JAKMIP3: variants seen among roughly 807,000 people sequenced by gnomAD.
The protein encoded by JAKMIP3 is janus kinase and microtubule-interacting protein 3.
JAKMIP3 carries 58 observed loss-of-function variants against 118.5 expected under a neutral mutation model. The observed-to-expected ratio is 0.49, with a 90% CI of 0.40 to 0.61. The LOEUF (loss-of-function observed/expected upper bound fraction) is 0.61, where lower values mean the gene tolerates loss of function less well. Among genes scored for constraint, JAKMIP3 ranks in the 20% least tolerant of loss-of-function variants. The pLI, the probability that JAKMIP3 is intolerant of heterozygous loss-of-function variation, is 0.00. For synonymous variants in JAKMIP3, 486 were observed against 451.2 expected (o/e 1.08, Z -0.98); for missense variants, 950 against 1,109.0 (o/e 0.86, Z 2.04).
chr10:132,139,489 AGT>A (rs2052979045), intron 9 of JAKMIP3, among the ~76,000 whole-genome samples: 1 of 139,694 alleles, frequency 7.2e-6, no homozygotes, highest in Admixed American at 7.1e-5. Flanking sequence ...TGTGTGTGAG[AGT>A]ATGTGAGTGT....
rs746236549 is a variant in JAKMIP3, at chr10:132,142,067, G to GCA, written c.1602+20_1602+21insAC. The GCA allele has an allele frequency of 2.4e-5, 39 of 1,592,698 alleles. 1 individual carries two copies. The South Asian group carries it at 3.5e-4, about 14-fold the overall frequency. On this transcript the variant is annotated intron_variant, in intron 11 of 23. Coordinates refer to ENST00000684848, the MANE Select transcript of JAKMIP3 (RefSeq NM_001323087.2). ...AGTTAAGGTCTACGTGACTTCCACC[G>GCA]CGCGTTCCGGCCCCCCTCGTGCCTT... is the stretch of plus-strand genomic sequence containing the variant.
intron 1 of JAKMIP3, among the ~76,000 whole-genome samples, chr10:132,052,663 C>T (rs147026986): frequency 1.3e-5 from 2 of 152,300 alleles, no homozygotes; most frequent in East Asian, 3.9e-4. Context: ...GTCCAATCTG[C>T]CACCAAAAGC....
Position 132,153,347 on chromosome 10 carries a change from C to T in JAKMIP3, c.2073+324C>T, listed in dbSNP as rs1004282461. On this transcript the variant is annotated intron_variant, in intron 17 of 23. Transcript: ENST00000684848. Reference sequence around the variant, plus strand: ...GACCCCCTTCTGGGGCCACCCAGCCCACTACCTGCTCCTAGTCCCACCCCT... The same window carrying T: ...GACCCCCTTCTGGGGCCACCCAGCCTACTACCTGCTCCTAGTCCCACCCCT... Among the ~76,000 whole-genome samples, 36 of 152,354 alleles carry T rather than the reference C, an allele frequency of 2.4e-4. 1 individual carries two copies. The highest frequency in any genetic ancestry group is 4.4e-4 in the Non-Finnish European group (30 of 68,032).
At chr10:132,093,601 G>A (rs914089060) in intron 1 of JAKMIP3, among the ~76,000 whole-genome samples, 1 of 152,278 alleles carries the variant, frequency 6.6e-6, no homozygotes, top group African/African-American at 2.4e-5. Context: ...ACAATATTAG[G>A]GTAGGAGTGA....
chr10:132,120,712 G>A (rs1484503419), intron 3 of JAKMIP3, among the ~76,000 whole-genome samples: 1 of 152,166 alleles, frequency 6.6e-6, no homozygotes, highest in Non-Finnish European at 1.5e-5. Flanking sequence ...CTTTCTTCCT[G>A]GGGACCCTGT....
rs2047002252 is a variant in JAKMIP3 at position 132,112,360 on chromosome 10, C to A, written c.136-4717C>A. On this transcript the variant is annotated intron_variant, in intron 2 of 23. Coordinates refer to ENST00000684848, the MANE Select transcript of JAKMIP3 (RefSeq NM_001323087.2). This position sits in a 1 kb window ranked among gnomAD's most constrained non-coding sequence, Gnocchi z 4.3. ...AGACGGGGCTGGGACCTGCCCTGGGCACTCGGCTCGTCAGCTGGGAAGCCC... is the reference window on the plus strand; with the variant it reads ...AGACGGGGCTGGGACCTGCCCTGGGAACTCGGCTCGTCAGCTGGGAAGCCC... Among the ~76,000 whole-genome samples the A allele has an allele frequency of 1.3e-5, 2 of 152,112 alleles. No homozygotes were observed. The highest frequency in any genetic ancestry group is 4.8e-5 in the African/African-American group (2 of 41,420).
chr10:132,051,901 C>T (rs539782916), intron 1 of JAKMIP3, among the ~76,000 whole-genome samples: 1 of 152,380 alleles, frequency 6.6e-6, no homozygotes, highest in South Asian at 2.1e-4. Flanking sequence ...AGCCACCACG[C>T]TTGGCCAGCA....
chr10:132,128,474 A>G (rs1215408162), intron 3 of JAKMIP3, among the ~76,000 whole-genome samples: 2 of 152,192 alleles, frequency 1.3e-5, no homozygotes, highest in African/African-American at 4.8e-5. Context: ...AAAATTCTGG[A>G]CCATTATTTA....
rs539812872 is a variant in JAKMIP3, at chr10:132,082,755, C to T, written c.-138+16694C>T. ...CCTCCCGAGTAGCTGGGACTACAGG[C>T]GCCTGCCACCATGCCCGGCTAATTT... On this transcript the variant is annotated intron_variant, in intron 1 of 23. Transcript: ENST00000684848. Among the ~76,000 whole-genome samples, 27 of 152,198 alleles carry T rather than the reference C, an allele frequency of 1.8e-4. No homozygotes were observed. In the South Asian group the frequency reaches 2.7e-3, roughly 15 times the overall value.
chr10:132,145,007 C>T (rs1156356238), intron 11 of JAKMIP3, 100 bp from the exon 12 acceptor site: 2 of 916,212 alleles, frequency 2.2e-6, no homozygotes, highest in African/African-American at 1.7e-5. Flanking sequence ...TCTCAATGAA[C>T]TGAACCAAAA....
At chr10:132,079,744 C>G (rs74346100) in intron 1 of JAKMIP3, among the ~76,000 whole-genome samples, 1 of 152,226 alleles carries the variant, frequency 6.6e-6, no homozygotes, top group Non-Finnish European at 1.5e-5. Flanking sequence ...CAGCTCCTCA[C>G]TTCCCCTCGT....
intron 17 of JAKMIP3, 115 bp downstream of exon 17, chr10:132,153,138 G>A (rs917950679): frequency 6.3e-6 from 5 of 792,560 alleles, no homozygotes; most frequent in South Asian, 3.1e-5. Flanking sequence ...GGTTTGGGGG[G>A]TCCACTAAGC....
intron 1 of JAKMIP3, among the ~76,000 whole-genome samples, chr10:132,054,548 G>A (rs1211663354): frequency 1.3e-5 from 2 of 152,164 alleles, no homozygotes; most frequent in East Asian, 3.9e-4. Context: ...GTCTGGGCCG[G>A]AACCACCCCT....
In JAKMIP3 at chr10:132,162,252, T is replaced by C. The variant is rs530676771; in HGVS notation, c.2221-957T>C. Among the ~76,000 whole-genome samples, 12 of 152,346 alleles carry C rather than the reference T, an allele frequency of 7.9e-5. No individual in the cohort carries two copies. The East Asian group carries it at 1.5e-3, about 20-fold the overall frequency. On this transcript the variant is annotated intron_variant, in intron 19 of 23. Coordinates refer to ENST00000684848, the MANE Select transcript of JAKMIP3 (RefSeq NM_001323087.2). ...CATGGGTGTGGGAGACCGTGGTCTG[T>C]GTGGCTGCCGAAGGCAGGGAGGCTC...
chr10:132,180,648 T>TGTGTGC (rs2060954930), intron 23 of JAKMIP3, among the ~76,000 whole-genome samples: 1 of 25,134 alleles, frequency 4.0e-5, no homozygotes, highest in African/African-American at 1.8e-4. Flanking sequence ...CGTGTGTGCG[T>TGTGTGC]GTGCGTGTGC....
At chr10:132,173,016 C>T (rs55769244) in intron 23 of JAKMIP3, among the ~76,000 whole-genome samples, 310 of 5,594 alleles carry the variant, frequency 0.055, 59 homozygotes, top group East Asian at 0.43. Context: ...TCTCTCTCTC[C>T]CTCTCTCTCT....
Position 132,100,812 on chromosome 10 carries a change from ATTCTCTCTGCATGAGGAACCCCTGCCG to A in JAKMIP3, c.-137-3859_-137-3833del, listed in dbSNP as rs2134740757. Among the ~76,000 whole-genome samples, 3 of 126,944 alleles carry A rather than the reference ATTCTCTCTGCATGAGGAACCCCTGCCG, an allele frequency of 2.4e-5. No individual in the cohort carries two copies. In the South Asian group the frequency reaches 8.2e-4, roughly 35 times the overall value. 83.3% of individuals were successfully genotyped at this position (126,944 alleles called of 152,430 possible). Reference sequence around the variant, plus strand: ...ATGAGGAACCCCGGCCGCGCTCCCCATTCTCTCTGCATGAGGAACCCCTGCCGCGCTCCCCGTTCTCTCTGCATGAGG... The same window carrying A: ...ATGAGGAACCCCGGCCGCGCTCCCCACGCTCCCCGTTCTCTCTGCATGAGG... On this transcript the variant is annotated intron_variant, in intron 1 of 23. Coordinates refer to ENST00000684848, the MANE Select transcript of JAKMIP3 (RefSeq NM_001323087.2).
intron 3 of JAKMIP3, among the ~76,000 whole-genome samples, chr10:132,130,153 G>A (rs375833817): frequency 7.9e-5 from 12 of 152,202 alleles, no homozygotes; most frequent in African/African-American, 2.2e-4. Flanking sequence ...GAGGCTTGGC[G>A]GCCTCTTCTA....
At chr10:132,152,420 A>C in intron 16 of JAKMIP3, among the ~76,000 whole-genome samples, 1 of 152,130 alleles carries the variant, frequency 6.6e-6, no homozygotes. Context: ...TAATCACTCT[A>C]CCCAGAAGGG....
Sources: gnomAD v4.1 joint callset for allele counts (sites outside exome capture counted in the v4.1 genomes callset) on GRCh38, gnomAD v4.1.1 for gene constraint, Gnocchi (gnomAD v3.1) non-coding constraint, MANE v1.5 for transcripts, NCBI Gene and HGNC (gene_info 2026-07-23, HGNC 2026-07-21) for gene names.